DCC: variants seen among roughly 807,000 people sequenced by gnomAD.
DCC encodes the protein netrin receptor DCC.
DCC carries 58 observed loss-of-function variants against 172.5 expected under a neutral mutation model. The ratio of observed to expected loss-of-function variants is 0.34; its 90% CI spans 0.27 to 0.42. The LOEUF (loss-of-function observed/expected upper bound fraction) is 0.42, where lower values mean the gene tolerates loss of function less well. Among genes scored for constraint, DCC ranks in the 10% least tolerant of loss-of-function variants. The pLI, the probability that DCC is intolerant of heterozygous loss-of-function variation, is 1.00. For synonymous variants in DCC, 709 were observed against 644.5 expected, an observed-to-expected ratio of 1.10 and a Z score of -1.52; for missense variants, 1,740 against 1,791.0, an observed-to-expected ratio of 0.97 and a Z score of 0.51.
At chr18:53,365,590 G>T (rs1480413586) in intron 15 of DCC, among the ~76,000 whole-genome samples, 3 of 152,094 alleles carry the variant, frequency 2.0e-5, no homozygotes, top group African/African-American at 4.8e-5. Context: ...TATAGCTGTT[G>T]GGTAAAGGAA....
intron 27 of DCC, among the ~76,000 whole-genome samples, chr18:53,509,037 C>G (rs2046218570): frequency 6.6e-6 from 1 of 152,178 alleles, no homozygotes; most frequent in Non-Finnish European, 1.5e-5. Context: ...TACTGCATCT[C>G]CCGACTTGCT....
Position 52,822,344 on chromosome 18 carries a change from C to CCTA in DCC, c.412+69973_412+69975dup, listed in dbSNP as rs1296915319. 2.0e-5 allele frequency among the ~76,000 whole-genome samples: 3 copies of CCTA among 152,168 alleles called. No homozygotes were observed. The East Asian group carries it at 5.8e-4, about 29-fold the overall frequency. On this transcript the variant is annotated intron_variant, in intron 2 of 28. Transcript: ENST00000442544. ...GCTAGGTGCCCAATTAGTATCTCTA[C>CCTA]CTACTGCTCATTCCAAAGGTCTCCA...
intron 24 of DCC, among the ~76,000 whole-genome samples, chr18:53,466,007 G>A (rs189416525): frequency 5.3e-5 from 8 of 152,006 alleles, no homozygotes; most frequent in African/African-American, 1.9e-4. Context: ...CTCATGATCC[G>A]CCCACCTCAG....
intron 21 of DCC, among the ~76,000 whole-genome samples, chr18:53,424,473 A>G (rs768054337): frequency 1.3e-5 from 2 of 152,184 alleles, no homozygotes; most frequent in Non-Finnish European, 1.5e-5. Flanking sequence ...TAACACTTCC[A>G]GTCCAGTATG....
At chr18:52,594,604 T>A (rs2033869186) in intron 1 of DCC, among the ~76,000 whole-genome samples, 1 of 152,188 alleles carries the variant, frequency 6.6e-6, no homozygotes, top group African/African-American at 2.4e-5. Flanking sequence ...AGAGACTGGA[T>A]AATTTATAAG....
intron 1 of DCC, among the ~76,000 whole-genome samples, chr18:52,454,133 G>A (rs1348535265): frequency 6.6e-6 from 1 of 151,896 alleles, no homozygotes; most frequent in Non-Finnish European, 1.5e-5. Flanking sequence ...CAATTTTAAA[G>A]TAAAAAATAT....
At chr18:52,550,012 G>T (rs952955738) in intron 1 of DCC, among the ~76,000 whole-genome samples, 5 of 151,864 alleles carry the variant, frequency 3.3e-5, no homozygotes, top group African/African-American at 1.2e-4. Context: ...TTATAGTAGA[G>T]AAATAGGACA....
chr18:53,019,602 C>T (rs1455628842), intron 5 of DCC, among the ~76,000 whole-genome samples: 1 of 152,090 alleles, frequency 6.6e-6, no homozygotes. Flanking sequence ...AATATTAAAT[C>T]TATAAATGAA....
chr18:53,044,079 A>G (rs1423829961), intron 5 of DCC, among the ~76,000 whole-genome samples: 1 of 151,944 alleles, frequency 6.6e-6, no homozygotes, highest in African/African-American at 2.4e-5. Context: ...GGATTATTGA[A>G]GAATTAATAA....
At chr18:53,278,476 T>C (rs2056831803) in intron 12 of DCC, among the ~76,000 whole-genome samples, 1 of 152,118 alleles carries the variant, frequency 6.6e-6, no homozygotes, top group Admixed American at 6.6e-5. Flanking sequence ...TGTAATTAGT[T>C]GACACAGGAT....
intron 2 of DCC, among the ~76,000 whole-genome samples, chr18:52,799,563 T>C (rs1422509850): frequency 6.6e-6 from 1 of 152,200 alleles, no homozygotes; most frequent in African/African-American, 2.4e-5. Flanking sequence ...ATAGGCTCTA[T>C]CCAGTAATTT....
At chr18:52,732,395 G>A (rs1201529531) in intron 1 of DCC, among the ~76,000 whole-genome samples, 2 of 152,094 alleles carry the variant, frequency 1.3e-5, no homozygotes, top group African/African-American at 4.8e-5. Context: ...TTATTCACTG[G>A]AGGTATTGTA....
At chr18:53,434,310 T>C (rs545450844) in intron 21 of DCC, among the ~76,000 whole-genome samples, 1 of 152,268 alleles carries the variant, frequency 6.6e-6, no homozygotes, top group East Asian at 1.9e-4. Flanking sequence ...ACCTCTCAAA[T>C]GTTTTACATA....
intron 27 of DCC, among the ~76,000 whole-genome samples, chr18:53,523,851 A>G (rs754049286): frequency 2.6e-5 from 4 of 152,126 alleles, no homozygotes; most frequent in Non-Finnish European, 5.9e-5. Flanking sequence ...ATGTATACCT[A>G]TGTAACAAAC....
chr18:52,408,370 C>T (rs1417975264), intron 1 of DCC, among the ~76,000 whole-genome samples: 1 of 151,740 alleles, frequency 6.6e-6, no homozygotes, highest in East Asian at 1.9e-4. Flanking sequence ...ATTAAATTTT[C>T]TTAAAGAATA....
chr18:52,699,991 G>A (rs1011364306), intron 1 of DCC, among the ~76,000 whole-genome samples: 5 of 151,280 alleles, frequency 3.3e-5, no homozygotes, highest in Non-Finnish European at 5.9e-5. Context: ...TTCCTCATGT[G>A]TAAATTAAGA....
chr18:53,300,616 C>A (rs2057122052), intron 12 of DCC, among the ~76,000 whole-genome samples: 1 of 152,102 alleles, frequency 6.6e-6, no homozygotes, highest in East Asian at 1.9e-4. Context: ...GGTTGGGTAC[C>A]CATCAGTTGA....
intron 7 of DCC, among the ~76,000 whole-genome samples, chr18:53,137,641 T>A (rs983759495): frequency 2.6e-5 from 4 of 152,174 alleles, no homozygotes; most frequent in Non-Finnish European, 5.9e-5. Context: ...AGTACAGTCA[T>A]CTTAGATGGC....
intron 8 of DCC, among the ~76,000 whole-genome samples, chr18:53,169,261 C>T (rs2054974404): frequency 6.6e-6 from 1 of 152,136 alleles, no homozygotes; most frequent in African/African-American, 2.4e-5. Flanking sequence ...CATTTATTTT[C>T]CAAGACACTT....
Sources: allele counts gnomAD v4.1 joint callset (sites outside exome capture counted in the v4.1 genomes callset), GRCh38; gene constraint gnomAD v4.1.1; transcripts MANE v1.5; gene names NCBI Gene and HGNC (gene_info 2026-07-23, HGNC 2026-07-21).